The following P2RX7 variants were observed in gnomAD, a reference collection of about 807,000 sequenced individuals.
P2RX7 encodes purinergic receptor P2X 7, also known as P2X purinoceptor 7.
P2RX7 carries 62 observed loss-of-function variants against 71.6 expected under a neutral mutation model. The ratio of observed to expected loss-of-function variants is 0.87; its 90% CI spans 0.71 to 1.07. The LOEUF (loss-of-function observed/expected upper bound fraction) is 1.07, where lower values mean the gene tolerates loss of function less well. Among genes scored for constraint, P2RX7 ranks in the 50% least tolerant of loss-of-function variants. The pLI is 0.00. For missense variants in P2RX7, 686 were observed against 748.5 expected (o/e 0.92, Z 0.97); for synonymous variants, 299 against 283.3 (o/e 1.06, Z -0.56).
Position 121,157,189 on chromosome 12 carries a change from G to A in P2RX7, c.363+1042G>A, listed in dbSNP as rs116057231. ...CCAGGGACCATTTCCAACACTGACC[G>A]TTGCAGCAGCGCTGGTGATACCCAG... On this transcript the variant is annotated intron_variant, in intron 3 of 12. Transcript: ENST00000328963. Among the ~76,000 whole-genome samples the A allele has an allele frequency of 4.4e-3, 672 of 152,194 alleles. 5 individuals carry two copies. The highest frequency in any genetic ancestry group is 0.014 in the African/African-American group (563 of 41,506).
Position 121,177,308 on chromosome 12 carries a change from C to G in P2RX7, c.1050C>G (p.Phe350Leu). 1 of 1,614,102 alleles carries G rather than the reference C, an allele frequency of 6.2e-7. No homozygotes were observed. The highest frequency in any genetic ancestry group is 8.5e-7 in the Non-Finnish European group (1 of 1,180,034). The change falls in exon 11 of 13, where the codon TTC (phenylalanine) becomes TTG (leucine). Residue 350 changes from phenylalanine to leucine, a missense_variant. Phe to Leu is a conservative substitution (Grantham distance 22). Coordinates refer to ENST00000328963, the MANE Select transcript of P2RX7 (RefSeq NM_002562.6). ...TLSYFGLAAV[F>L]IDFLIDTYSS... ...TGCATTCTCCCCAGGCCGCTGTGTT[C>G]ATCGACTTCCTCATCGACACTTACT...
intron 1 of P2RX7, among the ~76,000 whole-genome samples, chr12:121,146,607 G>T (rs1169738): frequency 3.3e-5 from 5 of 152,072 alleles, no homozygotes; most frequent in Non-Finnish European, 7.4e-5. Flanking sequence ...CTCTGAAGAG[G>T]CAGTGTGCAC....
intron 11 of P2RX7, 84 bp downstream of exon 11, chr12:121,177,530 T>C: frequency 2.3e-6 from 3 of 1,306,676 alleles, no homozygotes; most frequent in Non-Finnish European, 3.3e-6. Context: ...TAGGCCCAAA[T>C]CACAGGCTTC....
Position 121,177,320 on chromosome 12 carries a change from C to T in P2RX7, c.1062C>T (p.Leu354=). The T allele has an allele frequency of 6.2e-7, 1 of 1,614,082 alleles. No homozygotes were observed. Among genetic ancestry groups the T allele is most frequent in the South Asian group, 1.1e-5 (1 of 91,086 alleles). Residue 354 remains leucine (L), a synonymous_variant, in exon 11 of 13, where the codon CTC becomes CTT. Transcript: ENST00000328963. ...AGGCCGCTGTGTTCATCGACTTCCTCATCGACACTTACTCCAGTAACTGCT... is the reference window on the plus strand; with the variant it reads ...AGGCCGCTGTGTTCATCGACTTCCTTATCGACACTTACTCCAGTAACTGCT... ...FGLAAVFIDF[L]IDTYSSNCCR...
At chr12:121,172,447 A>T (rs1010967402) in intron 8 of P2RX7, among the ~76,000 whole-genome samples, 6 of 152,196 alleles carry the variant, frequency 3.9e-5, no homozygotes, top group Admixed American at 1.3e-4. Context: ...TGGGCAACAC[A>T]GTGAGACCAT....
rs753154836 is a variant in P2RX7 at position 121,133,118 on chromosome 12, CCAGATCTCTG to C, written c.125+27_125+36del. 7 of 1,613,798 alleles carry C rather than the reference CCAGATCTCTG, an allele frequency of 4.3e-6. No individual in the cohort carries two copies. The East Asian group carries it at 1.6e-4, about 36-fold the overall frequency. ...TTGGTAAGTGGGATCTGGGGAGGAC[CCAGATCTCTG>C]CAGTGGCCGACAGCACAGAAAGCCC... On this transcript the variant is annotated intron_variant, in intron 1 of 12. Coordinates refer to ENST00000328963, the MANE Select transcript of P2RX7 (RefSeq NM_002562.6).
intron 3 of P2RX7, 89 bp from the exon 4 acceptor site, chr12:121,160,813 G>A (rs1879517461): frequency 3.7e-6 from 4 of 1,091,240 alleles, no homozygotes; most frequent in East Asian, 4.7e-5. Flanking sequence ...AAGCATTCGT[G>A]TGCACATTCT....
At chr12:121,161,789 TA>T (rs11443206) in intron 4 of P2RX7, among the ~76,000 whole-genome samples, 580 of 119,356 alleles carry the variant, frequency 4.9e-3, no homozygotes, top group East Asian at 9.8e-3. Flanking sequence ...GAGACCCCTT[TA>T]AAAAAAAAAA....
At chr12:121,162,331 T>C (rs905644057) in intron 4 of P2RX7, 93 bp from the exon 5 acceptor site, 64 of 1,528,360 alleles carry the variant, frequency 4.2e-5, no homozygotes, top group Non-Finnish European at 5.3e-6. Flanking sequence ...GCCTAGTCTC[T>C]CGCCCGGGTT....
chr12:121,176,600 A>C (rs1883174027), intron 9 of P2RX7, among the ~76,000 whole-genome samples: 1 of 151,804 alleles, frequency 6.6e-6, no homozygotes, highest in African/African-American at 2.4e-5. Flanking sequence ...AAAATGCAAA[A>C]AATTAGCTGG....
intron 1 of P2RX7, among the ~76,000 whole-genome samples, chr12:121,133,398 C>T (rs1872846078): frequency 6.6e-6 from 1 of 152,222 alleles, no homozygotes; most frequent in African/African-American, 2.4e-5. Context: ...ACCCTGGATC[C>T]CCAGGGAGGA....
chr12:121,151,574 C>G (rs759919609), intron 1 of P2RX7, among the ~76,000 whole-genome samples: 6 of 152,082 alleles, frequency 3.9e-5, no homozygotes, highest in Non-Finnish European at 5.9e-5. Context: ...TTTAATATTT[C>G]TACAGCACAT....
In P2RX7 at chr12:121,165,183, G is replaced by A. The variant is rs535586481; in HGVS notation, c.534-174G>A. 2.0e-5 allele frequency among the ~76,000 whole-genome samples: 3 copies of A among 152,174 alleles called. No individual in the cohort carries two copies. In the South Asian group the frequency reaches 6.2e-4, roughly 32 times the overall value. On this transcript the variant is annotated intron_variant, in intron 5 of 12. Transcript: ENST00000328963. Reference sequence around the variant, plus strand: ...GGAGAAATTCTTCTTGGAGGAGCTGGAGGGGCTTTGTGGAGAGTTTCAGAA... The same window carrying A: ...GGAGAAATTCTTCTTGGAGGAGCTGAAGGGGCTTTGTGGAGAGTTTCAGAA...
chr12:121,162,982 G>T (rs1288015332), intron 5 of P2RX7, among the ~76,000 whole-genome samples: 1 of 151,680 alleles, frequency 6.6e-6, no homozygotes, highest in South Asian at 2.1e-4. Context: ...AAAGAGGGGG[G>T]GAAGGAAGTT....
intron 3 of P2RX7, among the ~76,000 whole-genome samples, chr12:121,158,704 G>A (rs1259095983): frequency 1.6e-4 from 24 of 152,074 alleles, no homozygotes; most frequent in Admixed American, 1.4e-3. Flanking sequence ...CAAAAGAGAA[G>A]ATTAAAACAA....
rs146177860 is a variant in P2RX7 at position 121,187,229 on chromosome 12, T to C, written c.*2427T>C. The C allele has an allele frequency of 1.9e-3, 283 of 152,362 alleles. 1 individual carries two copies. The highest frequency in any genetic ancestry group is 6.1e-3 in the African/African-American group (252 of 41,596). 9.4% of individuals were successfully genotyped at this position (152,362 alleles called of 1,614,324 possible). ...TCTGTGAATTTTTTTATATATGTTCTAAGAGTTACCATTTTGATACCTTTT... is the reference window on the plus strand; with the variant it reads ...TCTGTGAATTTTTTTATATATGTTCCAAGAGTTACCATTTTGATACCTTTT... On this transcript the variant is annotated 3_prime_UTR_variant, in exon 13 of 13. Coordinates refer to ENST00000328963, the MANE Select transcript of P2RX7 (RefSeq NM_002562.6).
At chr12:121,160,781 C>T (rs548717336) in intron 3 of P2RX7, 121 bp from the exon 4 acceptor site, 41 of 854,388 alleles carry the variant, frequency 4.8e-5, no homozygotes, top group Non-Finnish European at 6.4e-5. Context: ...ACTTTTTTGG[C>T]GATTCTGAGT....
chr12:121,147,873 A>G (rs1876547427), intron 1 of P2RX7, among the ~76,000 whole-genome samples: 1 of 152,014 alleles, frequency 6.6e-6, no homozygotes, highest in African/African-American at 2.4e-5. Flanking sequence ...TCGGCCTCCC[A>G]GAGTTCTGGG....
rs1480522719 is a variant in P2RX7 at position 121,166,055 on chromosome 12, C to T, written c.615-3C>T. 2.5e-6 allele frequency: 4 copies of T among 1,611,650 alleles called. No individual in the cohort carries two copies. The highest frequency in any genetic ancestry group is 2.5e-6 in the Non-Finnish European group (3 of 1,178,210). ...TTGTTTGTTTGCTTTTAATTATGCACAGGAGAAACATCCTGCCAGGTTTAA... is the reference window on the plus strand; with the variant it reads ...TTGTTTGTTTGCTTTTAATTATGCATAGGAGAAACATCCTGCCAGGTTTAA... On this transcript the variant is annotated splice_region_variant and splice_polypyrimidine_tract_variant and intron_variant, in intron 6 of 12. Coordinates refer to ENST00000328963, the MANE Select transcript of P2RX7 (RefSeq NM_002562.6).
Sources: gnomAD v4.1 joint callset for allele counts (sites outside exome capture counted in the v4.1 genomes callset) on GRCh38, gnomAD v4.1.1 for gene constraint, MANE v1.5 for transcripts, NCBI Gene and HGNC (gene_info 2026-07-23, HGNC 2026-07-21) for gene names.